Variants in MMP16 observed in about 807,000 individuals in gnomAD.
MMP16 encodes the protein matrix metallopeptidase 16.
A neutral mutation model predicts 67.8 loss-of-function variants in MMP16; 12 were observed. The observed-to-expected ratio is 0.18, with a 90% CI of 0.11 to 0.29. MMP16 has a LOEUF of 0.29. Ranked by LOEUF, MMP16 falls within the 10% of genes least tolerant of loss-of-function variation. The pLI is 1.00. For missense variants in MMP16, 475 were observed against 765.7 expected (o/e 0.62, Z 4.48); for synonymous variants, 249 against 255.9 (o/e 0.97, Z 0.26).
chr8:88,054,270 T>G (rs1808305361), intron 8 of MMP16, among the ~76,000 whole-genome samples: 2 of 152,204 alleles, frequency 1.3e-5, no homozygotes, highest in Non-Finnish European at 2.9e-5. Flanking sequence ...CTCCTCAGCC[T>G]TTCATTTTTG....
intron 2 of MMP16, among the ~76,000 whole-genome samples, chr8:88,196,471 T>C (rs1809258729): frequency 6.6e-6 from 1 of 152,312 alleles, no homozygotes; most frequent in African/African-American, 2.4e-5. Flanking sequence ...CTTCTGAATC[T>C]GTACATGCTT....
intron 6 of MMP16, among the ~76,000 whole-genome samples, chr8:88,083,596 T>C (rs753368236): frequency 4.6e-5 from 7 of 152,092 alleles, no homozygotes; most frequent in South Asian, 2.1e-4. Flanking sequence ...AACTGGCTAG[T>C]GTAAAAACTC....
chr8:88,062,675 G>T (rs994402431), intron 7 of MMP16, among the ~76,000 whole-genome samples: 7 of 151,816 alleles, frequency 4.6e-5, no homozygotes, highest in Non-Finnish European at 1.0e-4. Flanking sequence ...GGGGAGTGGG[G>T]AGGGATAGCA....
At chr8:88,208,592 G>A (rs920325972) in intron 1 of MMP16, among the ~76,000 whole-genome samples, 21 of 152,038 alleles carry the variant, frequency 1.4e-4, no homozygotes, top group Non-Finnish European at 2.6e-4. Flanking sequence ...GGTACTCTAT[G>A]GAAAGGATTG....
In MMP16 at chr8:88,197,160, A is replaced by T. The variant is rs750912305; in HGVS notation, c.279T>A (p.Ile93=). 6.2e-7 allele frequency: 1 copy of T among 1,608,810 alleles called. No individual in the cohort carries two copies. The highest frequency in any genetic ancestry group is 1.1e-5 in the South Asian group (1 of 89,962). Residue 93 remains isoleucine, a splice_region_variant and synonymous_variant, in exon 2 of 10, where the codon ATT becomes ATA. Transcript: ENST00000286614. ...GGAGGATGGGAGCCATTACTTACTC[A>T]ATTGTGTTTCTGTCCACTTTTCCTG... The part of the protein sequence containing the change: ...NMTGKVDRNT[I]DWMKKPRCGV...
intron 3 of MMP16, among the ~76,000 whole-genome samples, chr8:88,179,000 C>T (rs1586191354): frequency 6.6e-6 from 1 of 151,832 alleles, no homozygotes; most frequent in South Asian, 2.1e-4. Flanking sequence ...AGAGAAAATA[C>T]ACACAATGAA....
intron 1 of MMP16, among the ~76,000 whole-genome samples, chr8:88,282,571 T>C (rs995881765): frequency 6.6e-5 from 10 of 152,220 alleles, no homozygotes; most frequent in Non-Finnish European, 1.3e-4. Context: ...TTACATTGAC[T>C]AGGGCTTCTA....
chr8:88,088,542 C>A (rs971729206), intron 6 of MMP16, among the ~76,000 whole-genome samples: 8 of 151,980 alleles, frequency 5.3e-5, no homozygotes, highest in Admixed American at 1.3e-4. Flanking sequence ...AAGCAAAACA[C>A]CCCTGAAAGA....
intron 6 of MMP16, among the ~76,000 whole-genome samples, chr8:88,091,917 C>T (rs934716171): frequency 3.3e-5 from 5 of 151,820 alleles, no homozygotes; most frequent in Non-Finnish European, 7.4e-5. Flanking sequence ...TTCATCATTG[C>T]AGCAAGCTCT....
In MMP16 at chr8:88,296,010, T is replaced by A. The variant is rs150674484; in HGVS notation, c.132+31065A>T. Among the ~76,000 whole-genome samples, 33 of 150,894 alleles carry A rather than the reference T, an allele frequency of 2.2e-4. 2 individuals carry two copies. The highest frequency in any genetic ancestry group is 3.4e-3 in the Middle Eastern group (1 of 294). ...TGAATACATTAATAAAAATTTCATA[T>A]ATTAACTGTATATTAATCCTACTTA... On this transcript the variant is annotated intron_variant, in intron 1 of 9. Coordinates refer to ENST00000286614, the MANE Select transcript of MMP16 (RefSeq NM_005941.5).
intron 3 of MMP16, among the ~76,000 whole-genome samples, chr8:88,179,946 T>G (rs1271984531): frequency 6.6e-6 from 1 of 152,174 alleles, no homozygotes; most frequent in African/African-American, 2.4e-5. Context: ...AATAGTTATA[T>G]ATGTTGTAGG....
chr8:88,066,905 AATACAG>A (rs1278107006), intron 7 of MMP16, among the ~76,000 whole-genome samples: 4 of 152,120 alleles, frequency 2.6e-5, no homozygotes, highest in Non-Finnish European at 5.9e-5. Context: ...GCAAAAATAA[AATACAG>A]ATAAAGAATA....
intron 7 of MMP16, among the ~76,000 whole-genome samples, chr8:88,072,149 G>A (rs941978896): frequency 6.6e-6 from 1 of 152,138 alleles, no homozygotes; most frequent in African/African-American, 2.4e-5. Context: ...GACCACGTGG[G>A]ATGAGGAATG....
chr8:88,102,284 G>C (rs1809157775), intron 6 of MMP16, among the ~76,000 whole-genome samples: 1 of 151,832 alleles, frequency 6.6e-6, no homozygotes, highest in Non-Finnish European at 1.5e-5. Flanking sequence ...CCTCAAGTTA[G>C]GTCTCAACTA....
intron 3 of MMP16, among the ~76,000 whole-genome samples, chr8:88,172,848 C>A (rs1291744157): frequency 1.3e-5 from 2 of 151,838 alleles, no homozygotes; most frequent in Admixed American, 1.3e-4. Flanking sequence ...AATGACCATG[C>A]CTTACACAAT....
chr8:88,186,625 AAGC>A lies in MMP16; in HGVS notation c.282-30_282-28del, dbSNP rs762081855. The A allele has an allele frequency of 7.6e-6, 11 of 1,447,428 alleles. No individual in the cohort carries two copies. In the South Asian group the frequency reaches 1.2e-4, roughly 15 times the overall value. The allele number at this position is 1,447,428 out of a possible 1,614,324, so 89.7% of individuals were successfully genotyped here. ...TGCAAAAAAAAAAAAAAAAAAAAAAAAGCAGTATTTTCCAGTTATTTACTAACA... is the reference window on the plus strand; with the variant it reads ...TGCAAAAAAAAAAAAAAAAAAAAAAAAGTATTTTCCAGTTATTTACTAACA... On this transcript the variant is annotated intron_variant, in intron 2 of 9. Coordinates refer to ENST00000286614, the MANE Select transcript of MMP16 (RefSeq NM_005941.5).
At chr8:88,290,801 C>A (rs540023137) in intron 1 of MMP16, among the ~76,000 whole-genome samples, 1 of 152,264 alleles carries the variant, frequency 6.6e-6, no homozygotes, top group South Asian at 2.1e-4. Flanking sequence ...TGACACCTTA[C>A]TTGATTTGCA....
At chr8:88,118,362 G>GT (rs72074734) in intron 5 of MMP16, among the ~76,000 whole-genome samples, 1,520 of 150,628 alleles carry the variant, frequency 0.01, 15 homozygotes, top group Middle Eastern at 0.024. Context: ...ATTTTTCCTT[G>GT]TTTTTTTTTG....
At chr8:88,267,478 A>G (rs1469221940) in intron 1 of MMP16, among the ~76,000 whole-genome samples, 2 of 152,196 alleles carry the variant, frequency 1.3e-5, no homozygotes, top group East Asian at 3.9e-4. Flanking sequence ...GCCTCCTCAC[A>G]GCAGACTGTG....
Sources: gnomAD v4.1 joint callset for allele counts (sites outside exome capture counted in the v4.1 genomes callset) on GRCh38, gnomAD v4.1.1 for gene constraint, MANE v1.5 for transcripts, NCBI Gene and HGNC (gene_info 2026-07-23, HGNC 2026-07-21) for gene names.